ACSM2A: variants seen among roughly 807,000 people sequenced by gnomAD.
ACSM2A encodes acyl-CoA synthetase medium chain family member 2A, also known as acyl-coenzyme A synthetase ACSM2A, mitochondrial.
ACSM2A carries 72 observed loss-of-function variants against 76.6 expected under a neutral mutation model. The observed-to-expected ratio is 0.94, with a 90% confidence interval of 0.78 to 1.14. ACSM2A has a LOEUF of 1.14. ACSM2A is among the 50% of genes most tolerant of loss of function. ACSM2A has a pLI of 0.00. For missense variants in ACSM2A, 684 were observed against 708.5 expected, an observed-to-expected ratio of 0.97 and a Z score of 0.39; for synonymous variants, 249 against 255.9, an observed-to-expected ratio of 0.97 and a Z score of 0.26.
Position 20,460,157 on chromosome 16 carries a change from G to A in ACSM2A, c.43G>A (p.Gly15Ser). Residue 15 changes from glycine (G) to serine (S), a missense_variant, in exon 2 of 14, where the codon GGT (glycine) becomes AGT (serine). Transcript: ENST00000573854. ...RKVQGLCTLW[G>S]TQMSSRTLYI... The stretch of plus-strand genomic sequence containing the variant: ...AGTTCAGGGACTTTGCACCCTGTGG[G>A]GTACTCAGATGTCCAGCCGCACTCT... The A allele has an allele frequency of 1.2e-6, 2 of 1,612,836 alleles. No individual in the cohort carries two copies. Among genetic ancestry groups the A allele is most frequent in the Non-Finnish European group, 1.7e-6 (2 of 1,179,244 alleles).
intron 2 of ACSM2A, among the ~76,000 whole-genome samples, chr16:20,461,177 A>C (rs1237648065): frequency 6.9e-6 from 1 of 145,090 alleles, no homozygotes; most frequent in Non-Finnish European, 1.5e-5. Context: ...ATTGGTGCTC[A>C]AAAAGAGTCA....
At chr16:20,458,398 C>A (rs1228792679) in intron 1 of ACSM2A, among the ~76,000 whole-genome samples, 1 of 145,292 alleles carries the variant, frequency 6.9e-6, no homozygotes, top group South Asian at 2.1e-4. Flanking sequence ...GATAACATAT[C>A]TCCATATATA....
intron 2 of ACSM2A, among the ~76,000 whole-genome samples, chr16:20,462,902 T>C (rs1214710879): frequency 1.3e-5 from 2 of 151,682 alleles, no homozygotes; most frequent in African/African-American, 4.8e-5. Flanking sequence ...TTCACAGTAG[T>C]TGGAAGGTCA....
In ACSM2A at chr16:20,470,986, C is replaced by A. The variant is rs2141724199; in HGVS notation, c.597-87C>A. 4 of 1,568,258 alleles carry A rather than the reference C, an allele frequency of 2.6e-6. No individual in the cohort carries two copies. The South Asian group carries it at 3.4e-5, about 13-fold the overall frequency. On this transcript the variant is annotated intron_variant, in intron 4 of 13. Transcript: ENST00000573854. The stretch of plus-strand genomic sequence containing the variant: ...GGGTCCATCAACTTGCCCTTTTCAG[C>A]ACAGTGGGTGGTGGGAAAAGATGGG...
In ACSM2A at chr16:20,471,335, T is replaced by C. The variant is rs1372488745; in HGVS notation, c.740+119T>C. On this transcript the variant is annotated intron_variant, in intron 5 of 13. Coordinates refer to ENST00000573854, the MANE Select transcript of ACSM2A (RefSeq NM_001308172.2). ...GGGTCCCACCTTCTGAACATTCATC[T>C]CCTGTTGATACAGGATGTGTGGATA... 2.0e-6 allele frequency: 3 copies of C among 1,513,270 alleles called. No homozygotes were observed. In the African/African-American group the frequency reaches 4.2e-5, roughly 21 times the overall value. 93.7% of individuals were successfully genotyped at this position (1,513,270 alleles called of 1,614,324 possible).
rs777522525 is a variant in ACSM2A at position 20,471,039 on chromosome 16, G to A, written c.597-34G>A. On this transcript the variant is annotated intron_variant, in intron 4 of 13. Transcript: ENST00000573854. ...ACTTTGATATCTGGTGTCCAGTCTA[G>A]CTCTGAAAAAATGACAATCTGTGTC... 3.7e-6 allele frequency: 6 copies of A among 1,611,440 alleles called. No individual in the cohort carries two copies. In the South Asian group the frequency reaches 4.4e-5, roughly 12 times the overall value.
intron 10 of ACSM2A, among the ~76,000 whole-genome samples, 180 bp from the exon 11 acceptor site, chr16:20,480,393 G>A (rs547058846): frequency 1.3e-5 from 2 of 152,328 alleles, no homozygotes; most frequent in East Asian, 1.9e-4. Context: ...CAATAAATGG[G>A]AAAGATCCAG....
intron 4 of ACSM2A, chr16:20,470,807 T>G: frequency 3.2e-6 from 2 of 631,530 alleles, no homozygotes; most frequent in Non-Finnish European, 5.8e-6. Context: ...GATCTCACTT[T>G]TTTTGCAGAT....
rs770461336 is a variant in ACSM2A, at chr16:20,471,142, TG to T, written c.669del (p.Thr224ProfsTer33). 1 of 1,613,496 alleles carries T rather than the reference TG, an allele frequency of 6.2e-7. No individual in the cohort carries two copies. On this transcript the variant is annotated frameshift_variant, in exon 5 of 14. Coordinates refer to ENST00000573854, the MANE Select transcript of ACSM2A (RefSeq NM_001308172.2). LOFTEE classifies it high-confidence loss of function. Reference sequence around the variant, plus strand: ...AAGCATCTGCCATCTACTTCACTAGTGGGACCAGTGGTCTTCCCAAGATGGC... The same window carrying T: ...AAGCATCTGCCATCTACTTCACTAGTGGACCAGTGGTCTTCCCAAGATGGC... ...QEASAIYFTS[G>X]TSGLPKMAEH... is the part of the protein sequence containing the mutation.
chr16:20,462,249 A>G (rs1276809982), intron 2 of ACSM2A, among the ~76,000 whole-genome samples: 8 of 152,130 alleles, frequency 5.3e-5, no homozygotes, highest in Admixed American at 5.2e-4. Flanking sequence ...TTGCTTAACT[A>G]TGCTTATAGC....
intron 1 of ACSM2A, 87 bp from the exon 2 acceptor site, chr16:20,460,020 G>C: frequency 6.9e-7 from 1 of 1,444,258 alleles, no homozygotes; most frequent in Non-Finnish European, 9.2e-7. Context: ...ATCCTATAAG[G>C]TTGGGATGAA....
chr16:20,483,518 C>T (rs1247031184), intron 13 of ACSM2A, among the ~76,000 whole-genome samples: 12 of 118,062 alleles, frequency 1.0e-4, no homozygotes, highest in Non-Finnish European at 1.5e-4. Flanking sequence ...TACAGTGAGC[C>T]GAGATTGTGC....
intron 1 of ACSM2A, among the ~76,000 whole-genome samples, chr16:20,458,408 A>T (rs2012335662): frequency 6.9e-6 from 1 of 144,982 alleles, no homozygotes; most frequent in South Asian, 2.1e-4. Flanking sequence ...CTCCATATAT[A>T]CTATATATAG....
chr16:20,472,482 C>A (rs768749461), intron 6 of ACSM2A, among the ~76,000 whole-genome samples: 5 of 152,184 alleles, frequency 3.3e-5, no homozygotes, highest in Non-Finnish European at 7.3e-5. Context: ...AAAGCCCTGC[C>A]TCCAAATACC....
intron 12 of ACSM2A, chr16:20,481,377 AC>A (rs1308241222): frequency 6.3e-6 from 1 of 157,812 alleles, no homozygotes; most frequent in African/African-American, 2.4e-5. Flanking sequence ...ACAATGGAAT[AC>A]TATTTGGTGT....
At chr16:20,468,401 CTCTGTAG>C (rs1323128485) in intron 3 of ACSM2A, among the ~76,000 whole-genome samples, 2 of 152,210 alleles carry the variant, frequency 1.3e-5, no homozygotes, top group Admixed American at 1.3e-4. Context: ...CGGAGTCTCC[CTCTGTAG>C]TCCAGGCTGG....
intron 1 of ACSM2A, among the ~76,000 whole-genome samples, chr16:20,455,906 C>T (rs979211406): frequency 2.0e-5 from 3 of 151,224 alleles, no homozygotes; most frequent in Non-Finnish European, 4.4e-5. Context: ...TTTCAAGAGA[C>T]TCATCTAACA....
At chr16:20,482,382 G>A in intron 12 of ACSM2A, 1 of 152,120 alleles carries the variant, frequency 6.6e-6, no homozygotes, top group Non-Finnish European at 1.5e-5. Context: ...GAAAAAGAAA[G>A]ACCCCTATAA....
chr16:20,458,908 A>G (rs1216871668), intron 1 of ACSM2A, among the ~76,000 whole-genome samples: 12,675 of 56,876 alleles, frequency 0.22, 787 homozygotes, highest in East Asian at 0.49. Flanking sequence ...ATATATGCAT[A>G]TATATATATA....
Sources: gnomAD v4.1 joint callset for allele counts (sites outside exome capture counted in the v4.1 genomes callset) on GRCh38, gnomAD v4.1.1 for gene constraint, MANE v1.5 for transcripts, NCBI Gene and HGNC (gene_info 2026-07-23, HGNC 2026-07-21) for gene names.